LDHC: variants seen among roughly 807,000 people sequenced by gnomAD.
The protein encoded by LDHC is L-lactate dehydrogenase C chain.
A neutral mutation model predicts 30.2 loss-of-function variants in LDHC; 20 were observed. The ratio of observed to expected loss-of-function variants is 0.66; its 90% confidence interval spans 0.47 to 0.96. LDHC has a LOEUF of 0.96. Among genes scored for constraint, LDHC ranks in the 40% least tolerant of loss-of-function variants. The probability of loss-of-function intolerance (pLI) is 0.00; values close to 1 mark genes in which losing one functional copy is unlikely to be tolerated. For missense variants in LDHC, 362 were observed against 394.9 expected (o/e 0.92, Z 0.71); for synonymous variants, 139 against 132.7 (o/e 1.05, Z -0.32).
intron 1 of LDHC, 91 bp from the exon 2 acceptor site, chr11:18,412,618 C>CA: frequency 8.4e-7 from 1 of 1,193,188 alleles, no homozygotes; most frequent in Non-Finnish European, 1.2e-6. Context: ...GGCTTCCCCC[C>CA]ATCCCCGGCT....
chr11:18,437,126 A>T (rs1848368983), intron 5 of LDHC, among the ~76,000 whole-genome samples: 1 of 152,118 alleles, frequency 6.6e-6, no homozygotes, highest in Non-Finnish European at 1.5e-5. Context: ...ATTGGATGTG[A>T]GATTCTAGAT....
chr11:18,434,469 A>T (rs1243597681), intron 4 of LDHC, among the ~76,000 whole-genome samples: 2 of 152,108 alleles, frequency 1.3e-5, no homozygotes, highest in South Asian at 2.1e-4. Flanking sequence ...GTGCCACCAC[A>T]TCTGGCTAAT....
Position 18,451,227 on chromosome 11 carries a change from A to C in LDHC, c.*100A>C. The C allele has an allele frequency of 1.3e-6, 1 of 765,144 alleles. No homozygotes were observed. 47.4% of individuals were successfully genotyped at this position (765,144 alleles called of 1,614,324 possible). A position where few individuals can be genotyped will look rare whatever the true frequency, so the allele number is the denominator to read the frequency against. ...TTTCATTTGATCTTTAAAAAATAAAAACAAATTGGAGACCTGTGACATAAC... is the reference window on the plus strand; with the variant it reads ...TTTCATTTGATCTTTAAAAAATAAACACAAATTGGAGACCTGTGACATAAC... On this transcript the variant is annotated 3_prime_UTR_variant, in exon 8 of 8. Coordinates refer to ENST00000541669, the MANE Select transcript of LDHC (RefSeq NM_017448.5).
chr11:18,426,104 C>A, intron 3 of LDHC, among the ~76,000 whole-genome samples: 1 of 151,556 alleles, frequency 6.6e-6, no homozygotes, highest in Non-Finnish European at 1.5e-5. Context: ...CAGCCTCTAA[C>A]TCCTGGGTTC....
At chr11:18,419,134 C>A (rs1248121128) in intron 3 of LDHC, among the ~76,000 whole-genome samples, 1 of 152,130 alleles carries the variant, frequency 6.6e-6, no homozygotes, top group Non-Finnish European at 1.5e-5. Flanking sequence ...TCTGGGAAGA[C>A]TCAGATAGTA....
chr11:18,425,383 A>C (rs1165669157), intron 3 of LDHC, among the ~76,000 whole-genome samples: 1 of 151,994 alleles, frequency 6.6e-6, no homozygotes, highest in Admixed American at 6.6e-5. Flanking sequence ...TTCATTAAAA[A>C]ATTATTATAT....
intron 6 of LDHC, among the ~76,000 whole-genome samples, chr11:18,440,639 G>A (rs1590233945): frequency 6.6e-6 from 1 of 152,192 alleles, no homozygotes. Context: ...AGTTAAAAAA[G>A]CAGTTAAGGC....
intron 3 of LDHC, among the ~76,000 whole-genome samples, chr11:18,418,645 T>C (rs1867066237): frequency 1.3e-5 from 2 of 152,002 alleles, no homozygotes; most frequent in South Asian, 4.1e-4. Flanking sequence ...CAGGCTGGTC[T>C]CGAATGCCTG....
chr11:18,413,722 A>G (rs147076761), intron 2 of LDHC, among the ~76,000 whole-genome samples: 84 of 149,524 alleles, frequency 5.6e-4, no homozygotes, highest in African/African-American at 2.0e-3. Flanking sequence ...CAGCCTCCCA[A>G]AGTGCTGGGA....
intron 5 of LDHC, among the ~76,000 whole-genome samples, chr11:18,437,765 A>G (rs2133838681): frequency 6.8e-6 from 1 of 146,660 alleles, no homozygotes; most frequent in East Asian, 2.0e-4. Flanking sequence ...AAAAAAAAAA[A>G]AAGAAAAAGA....
At chr11:18,426,029 AT>A (rs35064545) in intron 3 of LDHC, among the ~76,000 whole-genome samples, 74,481 of 133,892 alleles carry the variant, frequency 0.56, 19,691 homozygotes, top group East Asian at 0.68. Context: ...ATTAGCCACA[AT>A]TTTTTTTTTT....
At position 18,443,164 on chromosome 11, in the gene LDHC, G is replaced by A. The variant is rs551378300; in HGVS notation, c.711-3046G>A. ...AATTAATCCCTAGAAAACACAATAT[G>A]TATTAATATTACAGTATCTTTTCCT... On this transcript the variant is annotated intron_variant, in intron 6 of 7. Coordinates refer to ENST00000541669, the MANE Select transcript of LDHC (RefSeq NM_017448.5). Among the ~76,000 whole-genome samples the A allele has an allele frequency of 2.6e-5, 4 of 152,240 alleles. No homozygotes were observed. The South Asian group carries it at 8.3e-4, about 32-fold the overall frequency.
intron 4 of LDHC, among the ~76,000 whole-genome samples, chr11:18,430,482 C>T (rs1848247002): frequency 6.6e-6 from 1 of 152,094 alleles, no homozygotes; most frequent in African/African-American, 2.4e-5. Context: ...CCACCTCAGG[C>T]TCCCCAGTAG....
At position 18,433,675 on chromosome 11, in the gene LDHC, T is replaced by C. The variant is rs182327071; in HGVS notation, c.419-1065T>C. Reference sequence around the variant, plus strand: ...TTCTGCTGAGAAATCTGCTATTAATTTGATAGGTTTTTCTTTATAGGTTAC... The same window carrying C: ...TTCTGCTGAGAAATCTGCTATTAATCTGATAGGTTTTTCTTTATAGGTTAC... On this transcript the variant is annotated intron_variant, in intron 4 of 7. Transcript: ENST00000541669. Among the ~76,000 whole-genome samples, 618 of 152,326 alleles carry C rather than the reference T, an allele frequency of 4.1e-3. 2 individuals are homozygous for C. Among genetic ancestry groups the C allele is most frequent in the African/African-American group, 0.014 (598 of 41,560 alleles).
rs771771329 is a variant in LDHC at position 18,451,138 on chromosome 11, T to C, written c.*11T>C. 5.1e-5 allele frequency: 75 copies of C among 1,457,932 alleles called. No individual in the cohort carries two copies. The highest frequency in any genetic ancestry group is 6.7e-5 in the Non-Finnish European group (74 of 1,097,534). 90.3% of individuals were successfully genotyped at this position (1,457,932 alleles called of 1,614,324 possible). A position where few individuals can be genotyped will look rare whatever the true frequency, so the allele number is the denominator to read the frequency against. ...GATCTAATATTTTAAATTAAAGCCTTCTAATGTTCCACTGTTTGGAGAACA... is the reference window on the plus strand; with the variant it reads ...GATCTAATATTTTAAATTAAAGCCTCCTAATGTTCCACTGTTTGGAGAACA... On this transcript the variant is annotated 3_prime_UTR_variant, in exon 8 of 8. Transcript: ENST00000541669.
At chr11:18,413,447 T>C (rs1422739467) in intron 2 of LDHC, among the ~76,000 whole-genome samples, 2 of 149,216 alleles carry the variant, frequency 1.3e-5, no homozygotes, top group Non-Finnish European at 3.0e-5. Flanking sequence ...TCCCCAGTGT[T>C]TATTGTTCTC....
rs1037765687 is a variant in LDHC, at chr11:18,415,175, A to G, written c.127-9A>G. On this transcript the variant is annotated splice_polypyrimidine_tract_variant and intron_variant, in intron 2 of 7. Coordinates refer to ENST00000541669, the MANE Select transcript of LDHC (RefSeq NM_017448.5). ...GGAACATTTTATTCAGAACTTTTGT[A>G]TATTTTAGGATTTGGCTGATGAACT... 6.0e-6 allele frequency: 9 copies of G among 1,511,762 alleles called. No individual in the cohort carries two copies. The African/African-American group carries it at 9.6e-5, about 16-fold the overall frequency. 93.6% of individuals were successfully genotyped at this position (1,511,762 alleles called of 1,614,324 possible). A position where few individuals can be genotyped will look rare whatever the true frequency, so the allele number is the denominator to read the frequency against.
chr11:18,451,023 G>A lies in LDHC; in HGVS notation c.895G>A (p.Gly299Ser). Residue 299 changes from glycine (G) to serine (S), a missense_variant, in exon 8 of 8, where the codon GGT becomes AGT. Gly to Ser is a moderately conservative substitution (Grantham distance 56, BLOSUM62 0). Transcript: ENST00000541669. ...TATCCCTTGTGTCTTGGGGCGGAAT[G>A]GTGTCTCAGATGTTGTGAAAATTAA... The part of the protein sequence containing the change: ...LSIPCVLGRN[G>S]VSDVVKINLN... 1 of 1,595,726 alleles carries A rather than the reference G, an allele frequency of 6.3e-7. No homozygotes were observed. Among genetic ancestry groups the A allele is most frequent in the African/African-American group, 1.4e-5 (1 of 74,062 alleles).
intron 6 of LDHC, among the ~76,000 whole-genome samples, chr11:18,444,604 G>GTACATATATA (rs1848519077): frequency 1.1e-5 from 1 of 89,308 alleles, no homozygotes; most frequent in African/African-American, 3.3e-5. Context: ...TGTTCAGGTG[G>GTACATATATA]TATATATATA....
Sources: gnomAD v4.1 joint callset for allele counts (sites outside exome capture counted in the v4.1 genomes callset) on GRCh38, gnomAD v4.1.1 for gene constraint, MANE v1.5 for transcripts, NCBI Gene and HGNC (gene_info 2026-07-23, HGNC 2026-07-21) for gene names.